Variants in PCCA observed in about 807,000 individuals in gnomAD.
PCCA encodes propionyl-CoA carboxylase alpha chain, mitochondrial.
A neutral mutation model predicts 101.3 loss-of-function variants in PCCA; 74 were observed. The observed-to-expected ratio is 0.73, with a 90% CI of 0.61 to 0.89. The LOEUF is 0.89. Among genes scored for constraint, PCCA ranks in the 40% least tolerant of loss-of-function variants. The pLI is 0.00. For synonymous variants in PCCA, 294 were observed against 313.6 expected, an observed-to-expected ratio of 0.94 and a Z score of 0.66; for missense variants, 891 against 907.0, an observed-to-expected ratio of 0.98 and a Z score of 0.23.
In PCCA at chr13:100,268,815, CT is replaced by C. The variant is rs777174581; in HGVS notation, c.914+33del. On this transcript the variant is annotated intron_variant, in intron 11 of 23. Transcript: ENST00000376285. ...CTCCTAAGAAACATTTATAAAGCGGCTGCTTTTATGCATTTCATTCATTCAT... is the reference window on the plus strand; with the variant it reads ...CTCCTAAGAAACATTTATAAAGCGGCGCTTTTATGCATTTCATTCATTCAT... 4.9e-6 allele frequency: 7 copies of C among 1,436,888 alleles called. No homozygotes were observed. The African/African-American group carries it at 5.6e-5, about 11-fold the overall frequency. 89.0% of individuals were successfully genotyped at this position (1,436,888 alleles called of 1,614,324 possible).
chr13:100,365,247 G>A (rs1191187789), intron 18 of PCCA, among the ~76,000 whole-genome samples: 2 of 152,140 alleles, frequency 1.3e-5, no homozygotes, highest in African/African-American at 4.8e-5. Flanking sequence ...GTTTTAACTC[G>A]AAACCCTGTA....
intron 8 of PCCA, among the ~76,000 whole-genome samples, chr13:100,248,773 T>A (rs1041106563): frequency 2.0e-5 from 3 of 151,858 alleles, no homozygotes; most frequent in Non-Finnish European, 2.9e-5. Flanking sequence ...TGAGATGGAG[T>A]CTCACTCTTG....
chr13:100,273,577 A>G (rs574518497), intron 12 of PCCA, among the ~76,000 whole-genome samples: 1 of 152,120 alleles, frequency 6.6e-6, no homozygotes. Context: ...TGGAAATACC[A>G]CTTTGTTTTT....
chr13:100,197,695 C>T (rs1033237705), intron 6 of PCCA, among the ~76,000 whole-genome samples: 4 of 152,188 alleles, frequency 2.6e-5, no homozygotes, highest in African/African-American at 9.7e-5. Context: ...GCTGAGATTA[C>T]AGGCATGAGC....
intron 19 of PCCA, among the ~76,000 whole-genome samples, chr13:100,391,134 C>G (rs1479062871): frequency 2.0e-5 from 3 of 152,134 alleles, no homozygotes. Flanking sequence ...TCTCCTGCCT[C>G]AGCCTCCCAA....
intron 1 of PCCA, among the ~76,000 whole-genome samples, chr13:100,093,906 T>C (rs2046506941): frequency 6.6e-6 from 1 of 152,056 alleles, no homozygotes; most frequent in Non-Finnish European, 1.5e-5. Context: ...ACCAATGTAC[T>C]ACAGCCTGGG....
intron 17 of PCCA, among the ~76,000 whole-genome samples, chr13:100,337,113 ATACT>A (rs1213675043): frequency 6.6e-6 from 1 of 152,166 alleles, no homozygotes; most frequent in Non-Finnish European, 1.5e-5. Context: ...AGCTTTTAAA[ATACT>A]TACCGCGCCC....
intron 4 of PCCA, 91 bp downstream of exon 4, chr13:100,112,152 C>A: frequency 2.3e-6 from 2 of 851,804 alleles, no homozygotes; most frequent in Non-Finnish European, 2.0e-6. Context: ...TTGGCCTGCA[C>A]AAGATACATT....
chr13:100,200,132 TCTCA>T (rs2058379553), intron 6 of PCCA, among the ~76,000 whole-genome samples: 1 of 152,068 alleles, frequency 6.6e-6, no homozygotes, highest in African/African-American at 2.4e-5. Flanking sequence ...TGAGACAGAG[TCTCA>T]CTCTGTCACC....
At chr13:100,330,735 A>G (rs1456455198) in intron 17 of PCCA, 64 bp downstream of exon 17, 1 of 946,306 alleles carries the variant, frequency 1.1e-6, no homozygotes, top group Non-Finnish European at 1.7e-6. Flanking sequence ...ATTGTAATAC[A>G]TAATTTCACT....
chr13:100,396,798 T>C (rs1016923101), intron 19 of PCCA, among the ~76,000 whole-genome samples: 1 of 152,202 alleles, frequency 6.6e-6, no homozygotes, highest in Non-Finnish European at 1.5e-5. Context: ...ACCTGGGAAG[T>C]AGTTATAGAG....
Position 100,306,369 on chromosome 13 carries a change from G to A in PCCA, c.1285-823G>A, listed in dbSNP as rs1438753093. Among the ~76,000 whole-genome samples the A allele has an allele frequency of 2.9e-4, 44 of 152,272 alleles. 1 individual carries two copies. Among genetic ancestry groups the A allele is most frequent in the Admixed American group, 2.6e-3 (40 of 15,298 alleles). ...TGTGCCTGACAGTCTGAAGTATTTT[G>A]ATTAGCTTTTAAATACTTCAGATTC... On this transcript the variant is annotated intron_variant, in intron 14 of 23. Coordinates refer to ENST00000376285, the MANE Select transcript of PCCA (RefSeq NM_000282.4).
At chr13:100,146,743 A>G (rs1393587646) in intron 4 of PCCA, among the ~76,000 whole-genome samples, 3 of 152,104 alleles carry the variant, frequency 2.0e-5, no homozygotes, top group East Asian at 3.8e-4. Context: ...GTGATGGTGT[A>G]GTGTTGGGAA....
intron 6 of PCCA, among the ~76,000 whole-genome samples, chr13:100,169,310 G>C (rs1402248037): frequency 1.3e-5 from 2 of 151,518 alleles, no homozygotes; most frequent in Non-Finnish European, 2.9e-5. Context: ...GGTTGGTGGC[G>C]GGTGCCTGTA....
intron 4 of PCCA, among the ~76,000 whole-genome samples, chr13:100,148,610 C>T (rs2052890315): frequency 6.6e-6 from 1 of 152,118 alleles, no homozygotes; most frequent in Non-Finnish European, 1.5e-5. Context: ...GAAGATAGTT[C>T]TCCTCCTGCT....
intron 12 of PCCA, among the ~76,000 whole-genome samples, chr13:100,287,095 A>G (rs1342252521): frequency 6.6e-6 from 1 of 152,116 alleles, no homozygotes; most frequent in Non-Finnish European, 1.5e-5. Flanking sequence ...TTATTGAATA[A>G]TCAGTCTTTT....
At chr13:100,493,419 A>T (rs28537986) in intron 21 of PCCA, among the ~76,000 whole-genome samples, 51,502 of 151,936 alleles carry the variant, frequency 0.34, 9,330 homozygotes, top group East Asian at 0.57. Context: ...TTGTACAGCA[A>T]CAGAGCCTCT....
intron 6 of PCCA, among the ~76,000 whole-genome samples, chr13:100,179,102 A>T (rs111361617): frequency 6.7e-6 from 1 of 149,734 alleles, no homozygotes; most frequent in Non-Finnish European, 1.5e-5. Context: ...ATATATATAT[A>T]TATATATTTG....
chr13:100,301,393 TTTC>T, intron 12 of PCCA, 64 bp from the exon 13 acceptor site: 3 of 1,579,278 alleles, frequency 1.9e-6, no homozygotes, highest in Non-Finnish European at 2.6e-6. Flanking sequence ...TTTTGTGATT[TTTC>T]TTGTTTGTTT....
Sources: gnomAD v4.1 joint callset for allele counts (sites outside exome capture counted in the v4.1 genomes callset) on GRCh38, gnomAD v4.1.1 for gene constraint, MANE v1.5 for transcripts, NCBI Gene and HGNC (gene_info 2026-07-23, HGNC 2026-07-21) for gene names.